The following OPA1 variants were observed in gnomAD, a reference collection of about 807,000 sequenced individuals.
OPA1 encodes OPA1 mitochondrial dynamin like GTPase.
OPA1 carries 59 observed loss-of-function variants against 152.9 expected under a neutral mutation model. The observed-to-expected ratio is 0.39, with a 90% confidence interval of 0.31 to 0.48. OPA1 has a LOEUF of 0.48. Ranked by LOEUF, OPA1 falls within the 20% of genes least tolerant of loss-of-function variation. The pLI is 0.96. For missense variants in OPA1, 1,008 were observed against 1,216.8 expected, an observed-to-expected ratio of 0.83 and a Z score of 2.55; for synonymous variants, 400 against 389.9, an observed-to-expected ratio of 1.03 and a Z score of -0.31.
At chr3:193,637,633 T>C (rs1733154305) in intron 10 of OPA1, among the ~76,000 whole-genome samples, 1 of 152,136 alleles carries the variant, frequency 6.6e-6, no homozygotes, top group Non-Finnish European at 1.5e-5. Flanking sequence ...GAATTGAAAA[T>C]GTGTTTGTAA....
Position 193,638,117 on chromosome 3 carries a change from G to A in OPA1, c.1149+52G>A, listed in dbSNP as rs772054947. 3.5e-5 allele frequency: 42 copies of A among 1,214,362 alleles called. No homozygotes were observed. The Admixed American group carries it at 7.1e-4, about 20-fold the overall frequency. The allele number at this position is 1,214,362 out of a possible 1,614,324, so 75.2% of individuals were successfully genotyped here. On this transcript the variant is annotated intron_variant, in intron 11 of 30. Coordinates refer to ENST00000361510, the MANE Select transcript of OPA1 (RefSeq NM_130837.3). Reference sequence around the variant, plus strand: ...GTTCCTTAGGAGAGTAACTGCTTCAGTGAGACCTGTTCATTGTGTTGAAAT... The same window carrying A: ...GTTCCTTAGGAGAGTAACTGCTTCAATGAGACCTGTTCATTGTGTTGAAAT...
At chr3:193,624,374 G>A (rs983262612) in intron 6 of OPA1, 9 of 152,162 alleles carry the variant, frequency 5.9e-5, no homozygotes, top group African/African-American at 1.9e-4. Context: ...TGTAAATACA[G>A]CAGGTACACT....
chr3:193,654,785 A>C, intron 21 of OPA1, 77 bp from the exon 22 acceptor site: 1 of 1,418,244 alleles, frequency 7.1e-7, no homozygotes, highest in Non-Finnish European at 9.8e-7. Context: ...ATTATAAGTT[A>C]ATGATACTTC....
chr3:193,644,459 G>A (rs961386830), intron 16 of OPA1, among the ~76,000 whole-genome samples: 3 of 152,158 alleles, frequency 2.0e-5, no homozygotes, highest in Non-Finnish European at 4.4e-5. Flanking sequence ...CAAAAGGAAA[G>A]CATATGTTAT....
intron 29 of OPA1, among the ~76,000 whole-genome samples, chr3:193,669,938 A>G (rs911136196): frequency 1.3e-5 from 2 of 152,226 alleles, no homozygotes; most frequent in South Asian, 4.1e-4. Flanking sequence ...TTTTGTACAT[A>G]TAAAATTATA....
At chr3:193,673,078 C>A (rs1718279021) in intron 29 of OPA1, among the ~76,000 whole-genome samples, 1 of 152,038 alleles carries the variant, frequency 6.6e-6, no homozygotes. Flanking sequence ...AGTTATTTTT[C>A]TCATTTTACA....
chr3:193,644,283 A>G, intron 16 of OPA1, 178 bp downstream of exon 16: 1 of 665,814 alleles, frequency 1.5e-6, no homozygotes. Flanking sequence ...ATGAAGTCTG[A>G]AGGAAACCAG....
chr3:193,615,417 A>G (rs905158710), intron 2 of OPA1, among the ~76,000 whole-genome samples: 5 of 152,230 alleles, frequency 3.3e-5, no homozygotes, highest in African/African-American at 1.2e-4. Context: ...TCTACCCCAC[A>G]GTAATATTTA....
At chr3:193,621,243 A>G (rs1730007509) in intron 6 of OPA1, among the ~76,000 whole-genome samples, 1 of 152,274 alleles carries the variant, frequency 6.6e-6, no homozygotes, top group Non-Finnish European at 1.5e-5. Context: ...CCTTTCTAAT[A>G]GGAAAACACA....
intron 1 of OPA1, among the ~76,000 whole-genome samples, chr3:193,608,118 G>A (rs576643059): frequency 5.1e-4 from 78 of 152,174 alleles, no homozygotes; most frequent in South Asian, 4.4e-3. Context: ...TCTTGCTAGC[G>A]GTCTATCAAT....
At chr3:193,648,740 AG>A in intron 20 of OPA1, 54 bp from the exon 21 acceptor site, 1 of 1,200,274 alleles carries the variant, frequency 8.3e-7, no homozygotes, top group South Asian at 1.2e-5. Flanking sequence ...AAATCATGAC[AG>A]GGTAAATTTA....
intron 1 of OPA1, among the ~76,000 whole-genome samples, chr3:193,605,343 T>C (rs1727094239): frequency 6.6e-6 from 1 of 152,194 alleles, no homozygotes; most frequent in Admixed American, 6.5e-5. Context: ...CATTTTGTTT[T>C]TTAACTGGTA....
At chr3:193,667,320 A>G in intron 29 of OPA1, 40 bp downstream of exon 29, 1 of 918,330 alleles carries the variant, frequency 1.1e-6, no homozygotes, top group South Asian at 1.3e-5. Flanking sequence ...CTACCTTTCC[A>G]CCTTTCCCAT....
chr3:193,598,584 A>G (rs960043436), intron 1 of OPA1, among the ~76,000 whole-genome samples: 9 of 152,244 alleles, frequency 5.9e-5, no homozygotes, highest in Non-Finnish European at 1.3e-4. Flanking sequence ...GTCAAACAGA[A>G]AAGTCAGAGG....
chr3:193,644,582 G>A (rs1467746930), intron 16 of OPA1, among the ~76,000 whole-genome samples: 1 of 151,832 alleles, frequency 6.6e-6, no homozygotes, highest in Admixed American at 6.6e-5. Flanking sequence ...AGACAGGCAG[G>A]CCTTTTTAAG....
At chr3:193,631,696 C>T in intron 8 of OPA1, 31 bp downstream of exon 8, 1 of 1,576,266 alleles carries the variant, frequency 6.3e-7, no homozygotes, top group Non-Finnish European at 8.7e-7. Context: ...AAACTAGGGA[C>T]TTTTAAAAAT....
At chr3:193,655,118 T>C in intron 22 of OPA1, 91 bp downstream of exon 22, 1 of 1,193,408 alleles carries the variant, frequency 8.4e-7, no homozygotes, top group Non-Finnish European at 1.2e-6. Context: ...TCACAGCCTC[T>C]ATCTTTCTTT....
intron 13 of OPA1, 40 bp downstream of exon 13, chr3:193,643,089 T>C (rs547881178): frequency 7.4e-6 from 11 of 1,477,286 alleles, no homozygotes; most frequent in African/African-American, 1.4e-5. Context: ...TTTATGGAAA[T>C]TAAATGTTTA....
chr3:193,614,458 G>A (rs1347895505), intron 1 of OPA1, among the ~76,000 whole-genome samples: 1 of 152,154 alleles, frequency 6.6e-6, no homozygotes, highest in African/African-American at 2.4e-5. Flanking sequence ...AGTTATTTAA[G>A]TCTTTGCACC....
Sources: allele counts gnomAD v4.1 joint callset (sites outside exome capture counted in the v4.1 genomes callset), GRCh38; gene constraint gnomAD v4.1.1; transcripts MANE v1.5; gene names NCBI Gene and HGNC (gene_info 2026-07-23, HGNC 2026-07-21).